ESD: variants seen among roughly 807,000 people sequenced by gnomAD.
ESD encodes the protein esterase D.
In ESD, 34 loss-of-function variants were observed where a neutral mutation model predicts 38.1. That is an observed-to-expected ratio of 0.89 (90% CI 0.68 to 1.19). ESD has a LOEUF of 1.19. Among genes scored for constraint, ESD ranks in the 50% most tolerant of loss-of-function variants. The pLI, the probability that ESD is intolerant of heterozygous loss-of-function variation, is 0.00. For missense variants in ESD, 334 were observed against 327.2 expected (o/e 1.02, Z -0.16); for synonymous variants, 97 against 107.0 (o/e 0.91, Z 0.58).
chr13:46,779,935 C>A lies in ESD; in HGVS notation c.600G>T (p.Lys200Asn). The A allele has an allele frequency of 6.3e-7, 1 of 1,598,486 alleles. No homozygotes were observed. The highest frequency in any genetic ancestry group is 1.1e-5 in the South Asian group (1 of 90,262). The change falls in exon 8 of 10, where the codon AAG (lysine) becomes AAT (asparagine). Residue 200 changes from lysine (K) to asparagine (N), a missense_variant and splice_region_variant. Physicochemically the swap from Lys to Asn is moderately conservative, Grantham distance 94. Transcript: ENST00000378720. ...GYLGTDQSKW[K>N]AYDATHLVKS... ...ATTAAGACAGCCATTCAGTACCTAC[C>A]TTCCATTTACTTTGATCTGTTCCCA...
chr13:46,787,547 T>G (rs1875237838), intron 3 of ESD, among the ~76,000 whole-genome samples: 1 of 151,970 alleles, frequency 6.6e-6, no homozygotes, highest in Non-Finnish European at 1.5e-5. Flanking sequence ...CACTAATATT[T>G]TATCACAATC....
At chr13:46,780,075 T>C (rs1233605370) in intron 7 of ESD, 42 bp from the exon 8 acceptor site, 2 of 1,346,122 alleles carry the variant, frequency 1.5e-6, no homozygotes, top group Non-Finnish European at 2.1e-6. Flanking sequence ...TATATTTTGC[T>C]AAATTAAATA....
chr13:46,773,505 A>G (rs1874685534), intron 9 of ESD, among the ~76,000 whole-genome samples: 1 of 152,206 alleles, frequency 6.6e-6, no homozygotes, highest in South Asian at 2.1e-4. Flanking sequence ...CACTGATGGG[A>G]AAAGATGGGA....
At position 46,782,774 on chromosome 13, in the gene ESD, CT is replaced by C; in HGVS notation, c.273del (p.Gly92ValfsTer41). 6.2e-7 allele frequency: 1 copy of C among 1,612,140 alleles called. No homozygotes were observed. The highest frequency in any genetic ancestry group is 8.5e-7 in the Non-Finnish European group (1 of 1,178,742). On this transcript the variant is annotated frameshift_variant, in exon 6 of 10. Coordinates refer to ENST00000378720, the MANE Select transcript of ESD (RefSeq NM_001984.2). LOFTEE classifies it high-confidence loss of function. ...CCAAAGTCCCAGCTCTCATCTTCAC[CT>C]TTAATATTGCAGCCACCTATCAAGA... ...PDTSPRGCNI[K>X]GEDESWDFGT...
intron 4 of ESD, among the ~76,000 whole-genome samples, 196 bp from the exon 5 acceptor site, chr13:46,784,546 C>T (rs1000455072): frequency 1.3e-5 from 2 of 151,884 alleles, no homozygotes; most frequent in Non-Finnish European, 2.9e-5. Flanking sequence ...GCTCATATAA[C>T]AAACCTGCAC....
At chr13:46,781,724 C>A in intron 6 of ESD, 109 bp from the exon 7 acceptor site, 7 of 1,043,186 alleles carry the variant, frequency 6.7e-6, no homozygotes, top group South Asian at 5.4e-5. Context: ...CATAGTCTTA[C>A]AATGGTTTGA....
At chr13:46,783,957 GACA>G (rs1875101322) in intron 5 of ESD, among the ~76,000 whole-genome samples, 1 of 151,890 alleles carries the variant, frequency 6.6e-6, no homozygotes, top group Non-Finnish European at 1.5e-5. Context: ...TTAGTATTTT[GACA>G]GTAGTGCCAA....
At chr13:46,772,148 G>T (rs988335115) in intron 9 of ESD, among the ~76,000 whole-genome samples, 15 of 152,136 alleles carry the variant, frequency 9.9e-5, no homozygotes, top group Admixed American at 9.2e-4. Flanking sequence ...AAAGCATGTT[G>T]TATCTTTATG....
intron 9 of ESD, chr13:46,776,739 A>T (rs1874811811): frequency 6.6e-6 from 1 of 152,126 alleles, no homozygotes; most frequent in Middle Eastern, 3.2e-3. Flanking sequence ...CATTATCCTT[A>T]AACATGGATA....
intron 8 of ESD, among the ~76,000 whole-genome samples, chr13:46,778,017 T>C (rs1201357456): frequency 6.6e-6 from 1 of 151,892 alleles, no homozygotes; most frequent in Non-Finnish European, 1.5e-5. Context: ...AACTCCATGA[T>C]CTTTTTCCAA....
chr13:46,777,924 T>C (rs1234247932), intron 8 of ESD, among the ~76,000 whole-genome samples: 2 of 151,876 alleles, frequency 1.3e-5, no homozygotes, highest in Non-Finnish European at 2.9e-5. Flanking sequence ...TTAATATTCT[T>C]AATCTCCTCT....
chr13:46,774,339 T>C (rs547599253), intron 9 of ESD, among the ~76,000 whole-genome samples: 1 of 152,284 alleles, frequency 6.6e-6, no homozygotes, highest in South Asian at 2.1e-4. Flanking sequence ...GGCAATAGAA[T>C]ACATTTGAAC....
chr13:46,774,659 T>A (rs964262384), intron 9 of ESD, among the ~76,000 whole-genome samples: 1 of 152,206 alleles, frequency 6.6e-6, no homozygotes, highest in African/African-American at 2.4e-5. Flanking sequence ...AAGGGAGCAG[T>A]GCTCCAGCAG....
intron 7 of ESD, 61 bp from the exon 8 acceptor site, chr13:46,780,094 T>C: frequency 9.1e-7 from 1 of 1,095,908 alleles, no homozygotes; most frequent in Non-Finnish European, 1.3e-6. Flanking sequence ...TATGAATAGA[T>C]ATTTGCAACT....
chr13:46,794,987 C>T (rs1300727973), intron 1 of ESD, among the ~76,000 whole-genome samples: 1 of 152,206 alleles, frequency 6.6e-6, no homozygotes, highest in Non-Finnish European at 1.5e-5. Flanking sequence ...AATGACATTT[C>T]TTGCTGGACT....
intron 5 of ESD, 99 bp from the exon 6 acceptor site, chr13:46,782,890 A>G (rs1875058795): frequency 7.1e-7 from 1 of 1,403,494 alleles, no homozygotes. Context: ...TTGCATGGGA[A>G]CTGTTCACCA....
At position 46,787,123 on chromosome 13, in the gene ESD, AAAC is replaced by A. The variant is rs775233009; in HGVS notation, c.69-17_69-15del. 8 of 1,461,194 alleles carry A rather than the reference AAAC, an allele frequency of 5.5e-6. No individual in the cohort carries two copies. Among genetic ancestry groups the A allele is most frequent in the East Asian group, 2.3e-5 (1 of 43,512 alleles). 90.5% of individuals were successfully genotyped at this position (1,461,194 alleles called of 1,614,324 possible). Reference sequence around the variant, plus strand: ...TTTAGTTCAACACTAGTTTTAACAAAAACAACAACAAAATATTAATGCCCCTCA... The same window carrying A: ...TTTAGTTCAACACTAGTTTTAACAAAAACAACAAAATATTAATGCCCCTCA... On this transcript the variant is annotated splice_polypyrimidine_tract_variant and intron_variant, in intron 3 of 9. Transcript: ENST00000378720.
chr13:46,788,206 C>T (rs1379072466), intron 3 of ESD, among the ~76,000 whole-genome samples: 1 of 151,860 alleles, frequency 6.6e-6, no homozygotes, highest in Non-Finnish European at 1.5e-5. Context: ...TACTGGTTAT[C>T]CTTCCTTGTT....
intron 5 of ESD, among the ~76,000 whole-genome samples, chr13:46,783,562 G>A (rs893193299): frequency 9.9e-5 from 14 of 141,358 alleles, no homozygotes; most frequent in Non-Finnish European, 2.0e-4. Context: ...ATCTATTTTC[G>A]TATTTTATAT....
Sources: allele counts gnomAD v4.1 joint callset (sites outside exome capture counted in the v4.1 genomes callset), GRCh38; gene constraint gnomAD v4.1.1; transcripts MANE v1.5; gene names NCBI Gene and HGNC (gene_info 2026-07-23, HGNC 2026-07-21).